FCHSD2: variants seen among roughly 807,000 people sequenced by gnomAD.
The protein encoded by FCHSD2 is FCH and double SH3 domains 2, also known as F-BAR and double SH3 domains protein 2.
FCHSD2 carries 38 observed loss-of-function variants against 108.1 expected under a neutral mutation model. That is an observed-to-expected ratio of 0.35 (90% confidence interval 0.27 to 0.46). The LOEUF (loss-of-function observed/expected upper bound fraction) is 0.46. Ranked by LOEUF, FCHSD2 falls within the 20% of genes least tolerant of loss-of-function variation. The pLI, the probability that FCHSD2 is intolerant of heterozygous loss-of-function variation, is 1.00. For missense variants in FCHSD2, 751 were observed against 897.8 expected, an observed-to-expected ratio of 0.84 and a Z score of 2.09; for synonymous variants, 279 against 314.7, an observed-to-expected ratio of 0.89 and a Z score of 1.20.
intron 8 of FCHSD2, among the ~76,000 whole-genome samples, chr11:72,931,922 G>A (rs1856201557): frequency 6.6e-6 from 1 of 152,188 alleles, no homozygotes; most frequent in Non-Finnish European, 1.5e-5. Context: ...CATTGTTGTT[G>A]TTTTAAATTT....
At chr11:72,872,395 G>T (rs1854880932) in intron 12 of FCHSD2, among the ~76,000 whole-genome samples, 1 of 149,280 alleles carries the variant, frequency 6.7e-6, no homozygotes, top group African/African-American at 2.5e-5. Context: ...GTCAAATTTA[G>T]AATATTTTAT....
In FCHSD2 at chr11:73,040,892, C is replaced by G. The variant is rs184367755; in HGVS notation, c.166-25007G>C. On this transcript the variant is annotated intron_variant, in intron 3 of 19. Transcript: ENST00000409418. ...TCAACCTTCCCACAAACTGCTCCCCCCCCTCTTTGGTAACTATCATTCTAC... is the reference window on the plus strand; with the variant it reads ...TCAACCTTCCCACAAACTGCTCCCCGCCCTCTTTGGTAACTATCATTCTAC... Among the ~76,000 whole-genome samples, 126 of 152,252 alleles carry G rather than the reference C, an allele frequency of 8.3e-4. 1 individual carries two copies. Among genetic ancestry groups the G allele is most frequent in the African/African-American group, 2.9e-3 (121 of 41,560 alleles).
At chr11:72,852,342 A>G (rs1861314033) in intron 13 of FCHSD2, among the ~76,000 whole-genome samples, 1 of 152,180 alleles carries the variant, frequency 6.6e-6, no homozygotes, top group African/African-American at 2.4e-5. Context: ...AAACAGGACT[A>G]CCATTCAACC....
intron 8 of FCHSD2, among the ~76,000 whole-genome samples, chr11:72,949,917 T>C (rs1452908628): frequency 1.3e-5 from 2 of 152,226 alleles, no homozygotes; most frequent in Non-Finnish European, 2.9e-5. Context: ...TGGGGTCATA[T>C]GACAATTCTG....
chr11:73,041,925 T>C (rs1390685966), intron 3 of FCHSD2, among the ~76,000 whole-genome samples: 1 of 152,040 alleles, frequency 6.6e-6, no homozygotes, highest in Non-Finnish European at 1.5e-5. Flanking sequence ...TTTGAGATTA[T>C]TATTATTTAT....
intron 10 of FCHSD2, among the ~76,000 whole-genome samples, chr11:72,894,581 G>C (rs530372220): frequency 6.6e-6 from 1 of 151,998 alleles, no homozygotes; most frequent in Non-Finnish European, 1.5e-5. Context: ...TTAATATATG[G>C]TTAATTATTT....
At chr11:73,107,691 C>T (rs1056046766) in intron 2 of FCHSD2, among the ~76,000 whole-genome samples, 7 of 152,174 alleles carry the variant, frequency 4.6e-5, no homozygotes, top group Admixed American at 4.6e-4. Flanking sequence ...TAAATGACAA[C>T]GTGCAAATTT....
At chr11:72,916,968 CTTTTTTTTTTTTTTTTTTTTT>C (rs71062793) in intron 9 of FCHSD2, among the ~76,000 whole-genome samples, 9 of 118,792 alleles carry the variant, frequency 7.6e-5, no homozygotes, top group Non-Finnish European at 8.7e-5. Context: ...GAACTTCATT[CTTTTTTTTTTTTTTTTTTTTT>C]TTTTTTTTTT....
rs1857283640 is a variant in FCHSD2, at chr11:72,984,964, A to C, written c.576+98T>G. 11 of 582,646 alleles carry C rather than the reference A, an allele frequency of 1.9e-5. No individual in the cohort carries two copies. In the South Asian group the frequency reaches 2.0e-4, roughly 11 times the overall value. 36.1% of individuals were successfully genotyped at this position (582,646 alleles called of 1,614,324 possible). A position where few individuals can be genotyped will look rare whatever the true frequency, so the allele number is the denominator to read the frequency against. Reference sequence around the variant, plus strand: ...GTCAGTGACTTTAAAATGCTTCTCTAAGGTAGAAATAATCCACCTCCACCC... The same window carrying C: ...GTCAGTGACTTTAAAATGCTTCTCTCAGGTAGAAATAATCCACCTCCACCC... On this transcript the variant is annotated intron_variant, in intron 7 of 19. Coordinates refer to ENST00000409418, the MANE Select transcript of FCHSD2 (RefSeq NM_014824.3).
intron 9 of FCHSD2, among the ~76,000 whole-genome samples, chr11:72,916,047 C>T (rs895425348): frequency 2.0e-5 from 3 of 151,896 alleles, no homozygotes; most frequent in Admixed American, 6.6e-5. Flanking sequence ...CACACTAGGG[C>T]CTACCAGAGG....
At chr11:72,944,684 T>C (rs919336408) in intron 8 of FCHSD2, among the ~76,000 whole-genome samples, 1 of 152,208 alleles carries the variant, frequency 6.6e-6, no homozygotes, top group Non-Finnish European at 1.5e-5. Flanking sequence ...CTTAAGCTGA[T>C]AGGCAACTTC....
intron 3 of FCHSD2, among the ~76,000 whole-genome samples, chr11:73,080,578 T>A (rs908654003): frequency 6.6e-6 from 1 of 152,150 alleles, no homozygotes; most frequent in East Asian, 1.9e-4. Flanking sequence ...GCTTAGTAAG[T>A]TTCTCATTTA....
rs377484374 is a variant in FCHSD2, at chr11:72,984,252, T to C, written c.577-36A>G. The C allele has an allele frequency of 1.9e-3, 3,030 of 1,609,294 alleles. 4 individuals carry two copies. The highest frequency in any genetic ancestry group is 2.2e-3 in the Non-Finnish European group (2,644 of 1,175,888). On this transcript the variant is annotated intron_variant, in intron 7 of 19. Coordinates refer to ENST00000409418, the MANE Select transcript of FCHSD2 (RefSeq NM_014824.3). ...GCAAAATAAAATAATCAGTGCAAAC[T>C]GATATTGTACTGCAAAACACATAGG...
At chr11:72,889,777 G>A (rs1855275995) in intron 11 of FCHSD2, 52 bp downstream of exon 11, 1 of 1,006,130 alleles carries the variant, frequency 9.9e-7, no homozygotes, top group East Asian at 2.4e-5. Flanking sequence ...TCCTTAAACT[G>A]TTTGACATTT....
intron 19 of FCHSD2, 83 bp downstream of exon 19, chr11:72,840,794 A>C: frequency 9.9e-7 from 1 of 1,006,356 alleles, no homozygotes; most frequent in Non-Finnish European, 1.5e-6. Context: ...GTAACAACAC[A>C]GGGGCCACGG....
At chr11:73,141,820 C>T (rs886979693) in intron 1 of FCHSD2, 37 bp downstream of exon 1, 7 of 1,538,852 alleles carry the variant, frequency 4.5e-6, no homozygotes, top group African/African-American at 1.4e-5. Flanking sequence ...GCGTACGCAT[C>T]TCTCCGAACC....
At chr11:72,926,427 A>G (rs1356087309) in intron 8 of FCHSD2, among the ~76,000 whole-genome samples, 1 of 152,040 alleles carries the variant, frequency 6.6e-6, no homozygotes, top group Non-Finnish European at 1.5e-5. Flanking sequence ...ATAGCTGGAG[A>G]CGATGGGATG....
intron 9 of FCHSD2, among the ~76,000 whole-genome samples, chr11:72,911,537 T>C (rs148853768): frequency 2.4e-3 from 359 of 152,350 alleles, no homozygotes; most frequent in African/African-American, 8.1e-3. Context: ...CACTGGTATT[T>C]TGAAAGAGAC....
intron 10 of FCHSD2, among the ~76,000 whole-genome samples, chr11:72,897,602 T>A (rs879295643): frequency 1.3e-5 from 2 of 152,196 alleles, no homozygotes; most frequent in Non-Finnish European, 2.9e-5. Context: ...ACAACTGTTG[T>A]CATTTTACAC....
Sources: allele counts gnomAD v4.1 joint callset (sites outside exome capture counted in the v4.1 genomes callset), GRCh38; gene constraint gnomAD v4.1.1; transcripts MANE v1.5; gene names NCBI Gene and HGNC (gene_info 2026-07-23, HGNC 2026-07-21).